The following SYNE1 variants were observed in gnomAD, a reference collection of about 807,000 sequenced individuals.
SYNE1 encodes the protein nesprin-1.
A neutral mutation model predicts 1,111.0 loss-of-function variants in SYNE1; 616 were observed. That is an observed-to-expected ratio of 0.55 (90% CI 0.52 to 0.59). The LOEUF (loss-of-function observed/expected upper bound fraction) is 0.59, where lower values mean the gene tolerates loss of function less well. Among genes scored for constraint, SYNE1 ranks in the 20% least tolerant of loss-of-function variants. The pLI, the probability that SYNE1 is intolerant of heterozygous loss-of-function variation, is 0.00. For synonymous variants in SYNE1, 3,855 were observed against 3,825.8 expected (o/e 1.01, Z -0.28); for missense variants, 10,006 against 10,417.0 (o/e 0.96, Z 1.72).
At chr6:152,335,743 G>A (rs9383616) in intron 76 of SYNE1, 23,401 of 151,992 alleles carry the variant, frequency 0.15, 1,916 homozygotes, top group East Asian at 0.25. Flanking sequence ...AGGCTGGAGT[G>A]CAGTGGCATG....
rs76221756 is a variant in SYNE1 at position 152,383,662 on chromosome 6, C to T, written c.8652+2012G>A. On this transcript the variant is annotated intron_variant, in intron 55 of 145. Transcript: ENST00000367255. ...ATATTGGTAGTACCCAGCTTTTGGT[C>T]CTGTGCCCATTGTTCTATTTGCTCT... Among the ~76,000 whole-genome samples, 236 of 152,294 alleles carry T rather than the reference C, an allele frequency of 1.5e-3. 2 individuals are homozygous for T. The highest frequency in any genetic ancestry group is 5.4e-3 in the African/African-American group (223 of 41,550).
intron 3 of SYNE1, among the ~76,000 whole-genome samples, chr6:152,604,977 A>G (rs1387972503): frequency 1.5e-4 from 3 of 20,052 alleles, no homozygotes; most frequent in African/African-American, 2.3e-4. Context: ...AGAAAGAAAG[A>G]AAGAAAGAAA....
chr6:152,530,919 C>T (rs773549635), intron 4 of SYNE1, among the ~76,000 whole-genome samples: 3 of 152,010 alleles, frequency 2.0e-5, no homozygotes, highest in African/African-American at 4.8e-5. Context: ...CACCACATCC[C>T]GCCGTGTGAT....
At chr6:152,521,142 G>A (rs527948236) in intron 5 of SYNE1, among the ~76,000 whole-genome samples, 2 of 152,250 alleles carry the variant, frequency 1.3e-5, no homozygotes, top group African/African-American at 4.8e-5. Flanking sequence ...GAGCATCACT[G>A]TATTAATCAT....
chr6:152,176,345 G>T (rs753710311), intron 130 of SYNE1, 49 bp downstream of exon 130: 1 of 1,610,236 alleles, frequency 6.2e-7, no homozygotes, highest in South Asian at 1.1e-5. Flanking sequence ...AGACTGAAAG[G>T]CTTTAAAATA....
intron 74 of SYNE1, among the ~76,000 whole-genome samples, chr6:152,342,680 T>C (rs968089296): frequency 7.9e-5 from 12 of 152,236 alleles, no homozygotes; most frequent in African/African-American, 2.9e-4. Context: ...ATAACCTTTA[T>C]AACTAAATTC....
Position 152,300,726 on chromosome 6 carries a change from T to G in SYNE1, c.17597A>C (p.Glu5866Ala), listed in dbSNP as rs748932442. The change falls in exon 93 of 146, where the codon GAG (glutamate) becomes GCG (alanine). Residue 5866 changes from glutamate to alanine, a missense_variant. Glu to Ala is a moderately radical substitution (Grantham distance 107). Around this residue, in one of 7 missense-constraint regions of SYNE1, gnomAD observed 4,955 missense variants for 5,017.2 expected, o/e 0.99. Coordinates refer to ENST00000367255, the MANE Select transcript of SYNE1 (RefSeq NM_182961.4). Reference sequence around the variant, plus strand: ...GGAAATCTCACTGTTGGTTCCCTCCTCCCCAGACTCCTCAGTGACCGGTGA... The same window carrying G: ...GGAAATCTCACTGTTGGTTCCCTCCGCCCCAGACTCCTCAGTGACCGGTGA... ...LLSPVTEESG[E>A]EGTNSEISSP... is the part of the protein sequence containing the mutation. 10 of 1,614,028 alleles carry G rather than the reference T, an allele frequency of 6.2e-6. No individual in the cohort carries two copies. In the East Asian group the frequency reaches 2.0e-4, roughly 32 times the overall value.
At chr6:152,264,259 G>C (rs1040163570) in intron 100 of SYNE1, among the ~76,000 whole-genome samples, 2 of 149,216 alleles carry the variant, frequency 1.3e-5, no homozygotes, top group African/African-American at 4.9e-5. Context: ...ACCTAGGGTG[G>C]CTGAATTTCC....
chr6:152,551,627 T>A (rs945891738), intron 3 of SYNE1, among the ~76,000 whole-genome samples: 1 of 152,200 alleles, frequency 6.6e-6, no homozygotes, highest in Non-Finnish European at 1.5e-5. Flanking sequence ...TATATTAGTA[T>A]ATTTAAAAAA....
intron 73 of SYNE1, among the ~76,000 whole-genome samples, chr6:152,346,776 C>T (rs1224054753): frequency 6.6e-6 from 1 of 152,144 alleles, no homozygotes. Flanking sequence ...CGCCACTGCA[C>T]TCCAGCCTGT....
chr6:152,515,531 C>A (rs1392459220), intron 6 of SYNE1, among the ~76,000 whole-genome samples: 1 of 152,130 alleles, frequency 6.6e-6, no homozygotes, highest in Non-Finnish European at 1.5e-5. Context: ...ATTAGAAAAC[C>A]AGGGATCACA....
chr6:152,355,281 A>G (rs1461801933), intron 66 of SYNE1, among the ~76,000 whole-genome samples: 2 of 152,196 alleles, frequency 1.3e-5, no homozygotes, highest in African/African-American at 2.4e-5. Context: ...ATAAAGGGCT[A>G]TTGTTTAAAA....
At chr6:152,504,312 T>C (rs952661388) in intron 9 of SYNE1, among the ~76,000 whole-genome samples, 2 of 152,128 alleles carry the variant, frequency 1.3e-5, no homozygotes, top group African/African-American at 4.8e-5. Flanking sequence ...GGGCCCTTCA[T>C]CTCAGAGGAA....
chr6:152,484,606 T>G (rs1255227684), intron 13 of SYNE1, among the ~76,000 whole-genome samples: 1 of 152,126 alleles, frequency 6.6e-6, no homozygotes, highest in Non-Finnish European at 1.5e-5. Context: ...TAATTGCTGA[T>G]ATCACATAGA....
chr6:152,300,617 A>G, intron 93 of SYNE1, 24 bp downstream of exon 93: 4 of 1,614,070 alleles, frequency 2.5e-6, no homozygotes, highest in Non-Finnish European at 3.4e-6. Context: ...GATTATTGCT[A>G]GAGGAATGCC....
intron 127 of SYNE1, among the ~76,000 whole-genome samples, chr6:152,195,821 T>A (rs2073968894): frequency 1.7e-5 from 2 of 119,928 alleles, no homozygotes; most frequent in Non-Finnish European, 3.5e-5. Context: ...TTGGCTACTC[T>A]CTATGTTTGG....
intron 128 of SYNE1, among the ~76,000 whole-genome samples, chr6:152,188,309 T>C (rs948192011): frequency 6.6e-6 from 1 of 152,212 alleles, no homozygotes; most frequent in African/African-American, 2.4e-5. Context: ...GGGTCTGTTC[T>C]TCATTATGAG....
rs1381423737 is a variant in SYNE1, at chr6:152,331,229, G to T, written c.13456C>A (p.Pro4486Thr). The T allele has an allele frequency of 6.2e-7, 1 of 1,614,006 alleles. No individual in the cohort carries two copies. Among genetic ancestry groups the T allele is most frequent in the African/African-American group, 1.3e-5 (1 of 75,030 alleles). The change falls in exon 78 of 146, where the codon CCA (proline) becomes ACA (threonine). Residue 4486 changes from proline (P) to threonine (T), a missense_variant. Physicochemically the swap from Pro to Thr is conservative, Grantham distance 38. This residue lies in a region of SYNE1 where 4,955 missense variants were observed against 5,017.2 expected (regional missense o/e 0.99). Transcript: ENST00000367255. Reference sequence around the variant, plus strand: ...TTGACTTGTTTGCTCACATCATCTGGTAACAGACAGATGTGTTCACGGAAC... The same window carrying T: ...TTGACTTGTTTGCTCACATCATCTGTTAACAGACAGATGTGTTCACGGAAC... ...IMFREHICLLPDDVSKQVKTC... is the reference protein window; with the variant it reads ...IMFREHICLLTDDVSKQVKTC...
At chr6:152,246,860 C>G (rs963404134) in intron 105 of SYNE1, among the ~76,000 whole-genome samples, 1 of 152,082 alleles carries the variant, frequency 6.6e-6, no homozygotes, top group South Asian at 2.1e-4. Flanking sequence ...GAAGAAAAAG[C>G]CTTGAAACTC....
Sources: gnomAD v4.1 joint callset for allele counts (sites outside exome capture counted in the v4.1 genomes callset) on GRCh38, gnomAD v4.1.1 for gene constraint, gnomAD v4.1.1 regional missense constraint, MANE v1.5 for transcripts, NCBI Gene and HGNC (gene_info 2026-07-23, HGNC 2026-07-21) for gene names.